The following TRIP12 variants were observed in gnomAD, a reference collection of about 807,000 sequenced individuals.
The protein encoded by TRIP12 is E3 ubiquitin-protein ligase TRIP12.
In TRIP12, 25 loss-of-function variants were observed where a neutral mutation model predicts 244.2. The observed-to-expected ratio is 0.10, with a 90% confidence interval of 0.07 to 0.14. The LOEUF (loss-of-function observed/expected upper bound fraction) is 0.14, where lower values mean the gene tolerates loss of function less well. TRIP12 is among the 10% of genes least tolerant of loss of function. The pLI is 1.00. For synonymous variants in TRIP12, 905 were observed against 873.1 expected, an observed-to-expected ratio of 1.04 and a Z score of -0.64; for missense variants, 1,677 against 2,486.4, an observed-to-expected ratio of 0.67 and a Z score of 6.92.
At chr2:229,850,904 G>A (rs2058552322) in intron 4 of TRIP12, among the ~76,000 whole-genome samples, 1 of 152,244 alleles carries the variant, frequency 6.6e-6, no homozygotes, top group African/African-American at 2.4e-5. Flanking sequence ...AGCAGTGCCA[G>A]ACCACCGGCG....
chr2:229,776,266 G>A (rs1159591112), intron 37 of TRIP12, among the ~76,000 whole-genome samples: 3 of 151,938 alleles, frequency 2.0e-5, no homozygotes, highest in Admixed American at 1.3e-4. Context: ...TTGCTTTTTT[G>A]TTTCTCCTTT....
chr2:229,805,987 A>C (rs2045781164), intron 17 of TRIP12, 104 bp from the exon 18 acceptor site: 8 of 962,904 alleles, frequency 8.3e-6, no homozygotes, highest in Non-Finnish European at 1.2e-5. Context: ...TATTTATTTC[A>C]ACAGGTTTTA....
chr2:229,764,903 C>G lies in TRIP12; in HGVS notation c.*2651G>C, dbSNP rs1448493201. 1 of 152,118 alleles carries G rather than the reference C, an allele frequency of 6.6e-6. No individual in the cohort carries two copies. The highest frequency in any genetic ancestry group is 2.4e-5 in the African/African-American group (1 of 41,416). 9.4% of individuals were successfully genotyped at this position (152,118 alleles called of 1,614,324 possible). On this transcript the variant is annotated 3_prime_UTR_variant, in exon 42 of 42. Transcript: ENST00000675903. ...TTCTGTCACTACAAATGCAGGGAAC[C>G]AGAGACAAGCATGAGAAGAGAAAAA...
chr2:229,773,145 G>A (rs370320226), intron 38 of TRIP12, among the ~76,000 whole-genome samples: 12 of 151,300 alleles, frequency 7.9e-5, no homozygotes, highest in East Asian at 1.9e-4. Context: ...GCACGGTATC[G>A]GCTCACTGGA....
chr2:229,795,931 G>A (rs2042705291), intron 25 of TRIP12, among the ~76,000 whole-genome samples: 1 of 152,206 alleles, frequency 6.6e-6, no homozygotes, highest in Non-Finnish European at 1.5e-5. Context: ...CAAGCGCATG[G>A]TGAAATAGTG....
In TRIP12 at chr2:229,789,505, G is replaced by T. The variant is rs2040896770; in HGVS notation, c.4695+106C>A. ...TGATGAGTACATTGTACTTTACTGG[G>T]CTAGGAGCCCTGCATTTAGCTGAAT... On this transcript the variant is annotated intron_variant, in intron 31 of 41. Coordinates refer to ENST00000675903, the MANE Select transcript of TRIP12 (RefSeq NM_001348323.3). 7.2e-6 allele frequency: 10 copies of T among 1,381,160 alleles called. No homozygotes were observed. The South Asian group carries it at 1.4e-4, about 20-fold the overall frequency. 85.6% of individuals were successfully genotyped at this position (1,381,160 alleles called of 1,614,324 possible).
At chr2:229,839,872 T>C (rs888740642) in intron 5 of TRIP12, among the ~76,000 whole-genome samples, 8 of 152,224 alleles carry the variant, frequency 5.3e-5, no homozygotes, top group African/African-American at 1.9e-4. Context: ...AAATATTAAC[T>C]GTATCACATC....
intron 1 of TRIP12, among the ~76,000 whole-genome samples, chr2:229,905,946 C>A (rs2072624762): frequency 6.6e-6 from 1 of 152,198 alleles, no homozygotes; most frequent in Admixed American, 6.5e-5. Flanking sequence ...CAAAACATTA[C>A]AGTGCATTCA....
At chr2:229,827,477 TA>T (rs2052019412) in intron 8 of TRIP12, among the ~76,000 whole-genome samples, 2 of 152,180 alleles carry the variant, frequency 1.3e-5, no homozygotes, top group East Asian at 1.9e-4. Flanking sequence ...TTATTATTAT[TA>T]TTTTTTTGGT....
intron 34 of TRIP12, among the ~76,000 whole-genome samples, chr2:229,783,975 T>A (rs2039175146): frequency 6.6e-6 from 1 of 151,852 alleles, no homozygotes; most frequent in African/African-American, 2.4e-5. Context: ...CTGGGCGTGG[T>A]GGCGCATGCC....
Position 229,804,183 on chromosome 2 carries a change from T to C in TRIP12, c.2695A>G (p.Met899Val). 6.2e-7 allele frequency: 1 copy of C among 1,614,130 alleles called. No homozygotes were observed. The highest frequency in any genetic ancestry group is 8.5e-7 in the Non-Finnish European group (1 of 1,180,000). ...TTAGCCAGTTCCGGATCCTCTTTCA[T>C]AAGCTGTGCTCGAGCATCATCCTTC... ...SKKDDARAQL[M>V]KEDPELAKSF... Residue 899 changes from methionine (M) to valine (V), a missense_variant, in exon 19 of 42, where the codon ATG (methionine) becomes GTG (valine). Coordinates refer to ENST00000675903, the MANE Select transcript of TRIP12 (RefSeq NM_001348323.3).
intron 1 of TRIP12, among the ~76,000 whole-genome samples, chr2:229,901,104 T>C (rs2070659251): frequency 6.6e-6 from 1 of 151,150 alleles, no homozygotes; most frequent in Non-Finnish European, 1.5e-5. Flanking sequence ...TGGCTAATTT[T>C]TGTATTTTTA....
chr2:229,773,951 A>G, intron 38 of TRIP12, 146 bp downstream of exon 38: 1 of 706,352 alleles, frequency 1.4e-6, no homozygotes, highest in East Asian at 2.6e-5. Context: ...AAGAGAAGCT[A>G]GTGCCTTGTA....
At chr2:229,922,767 C>T (rs1202088868), upstream of TRIP12, among the ~76,000 whole-genome samples, 2 of 152,218 alleles carry the variant, frequency 1.3e-5, no homozygotes, top group African/African-American at 2.4e-5. Context: ...CCTCGGCCTC[C>T]TCGGTCCGAC....
chr2:229,907,172 G>A (rs981378605), intron 1 of TRIP12, among the ~76,000 whole-genome samples: 1 of 152,106 alleles, frequency 6.6e-6, no homozygotes, highest in Non-Finnish European at 1.5e-5. Flanking sequence ...TGAAAATAAG[G>A]CACCATTTAG....
chr2:229,905,893 T>A (rs2072608700), intron 1 of TRIP12, among the ~76,000 whole-genome samples: 1 of 152,156 alleles, frequency 6.6e-6, no homozygotes, highest in Non-Finnish European at 1.5e-5. Flanking sequence ...TAAGGCTAAG[T>A]ATAATAAACC....
chr2:229,840,614 A>G (rs1408163009), intron 5 of TRIP12, among the ~76,000 whole-genome samples: 1 of 152,064 alleles, frequency 6.6e-6, no homozygotes, highest in Non-Finnish European at 1.5e-5. Context: ...AGGCAGGAGA[A>G]CCACCTGAAC....
intron 1 of TRIP12, among the ~76,000 whole-genome samples, chr2:229,918,199 C>T (rs1233317304): frequency 2.0e-5 from 3 of 152,204 alleles, no homozygotes; most frequent in Non-Finnish European, 2.9e-5. Flanking sequence ...TCTTCACATC[C>T]TTTATCTTCT....
At chr2:229,893,826 T>C (rs1027687900) in intron 1 of TRIP12, among the ~76,000 whole-genome samples, 1 of 152,168 alleles carries the variant, frequency 6.6e-6, no homozygotes, top group Non-Finnish European at 1.5e-5. Context: ...TAGATCACCC[T>C]CCTGAGTAGC....
Sources: allele counts gnomAD v4.1 joint callset (sites outside exome capture counted in the v4.1 genomes callset), GRCh38; gene constraint gnomAD v4.1.1; transcripts MANE v1.5; gene names NCBI Gene and HGNC (gene_info 2026-07-23, HGNC 2026-07-21).